The following SIPA1L1 variants were observed in gnomAD, a reference collection of about 807,000 sequenced individuals.
SIPA1L1 encodes the protein signal-induced proliferation-associated 1-like protein 1.
A neutral mutation model predicts 162.7 loss-of-function variants in SIPA1L1; 26 were observed. The observed-to-expected ratio is 0.16, with a 90% CI of 0.12 to 0.22. The LOEUF (loss-of-function observed/expected upper bound fraction) is 0.22, where lower values mean the gene tolerates loss of function less well. SIPA1L1 is among the 10% of genes least tolerant of loss of function. The probability of loss-of-function intolerance (pLI) is 1.00; values close to 1 mark genes in which losing one functional copy is unlikely to be tolerated. For missense variants in SIPA1L1, 1,874 were observed against 2,241.0 expected (o/e 0.84, Z 3.31); for synonymous variants, 829 against 837.4 (o/e 0.99, Z 0.17).
chr14:71,483,825 A>T (rs1434365610), intron 2 of SIPA1L1, among the ~76,000 whole-genome samples: 1 of 152,056 alleles, frequency 6.6e-6, no homozygotes, highest in Non-Finnish European at 1.5e-5. Flanking sequence ...CAACCATATC[A>T]TCTATCACTT....
intron 7 of SIPA1L1, among the ~76,000 whole-genome samples, chr14:71,641,579 T>C (rs546775671): frequency 1.4e-3 from 209 of 152,086 alleles, no homozygotes; most frequent in Non-Finnish European, 2.5e-3. Flanking sequence ...AAAAATTAGC[T>C]GGGTGTGGTG....
At chr14:71,627,852 A>G (rs1233790736) in intron 7 of SIPA1L1, among the ~76,000 whole-genome samples, 1 of 152,186 alleles carries the variant, frequency 6.6e-6, no homozygotes, top group Non-Finnish European at 1.5e-5. Flanking sequence ...CAGCTCTTCA[A>G]TTTTAAGATT....
chr14:71,477,727 T>C (rs1237392284), intron 2 of SIPA1L1, among the ~76,000 whole-genome samples: 1 of 152,134 alleles, frequency 6.6e-6, no homozygotes, highest in Non-Finnish European at 1.5e-5. Flanking sequence ...TATATGAAGG[T>C]ACTGCAATTT....
In SIPA1L1 at chr14:71,419,380, GA is replaced by G. The variant is rs745414558; in HGVS notation, c.-464-93362del. On this transcript the variant is annotated intron_variant, in intron 2 of 23. Coordinates refer to ENST00000381232, the MANE Select transcript of SIPA1L1 (RefSeq NM_001386936.1). Reference sequence around the variant, plus strand: ...TGATAAATATCTGTCTTTGTGTAGGGACTTTCAGGGCTGTTCTGGCCTGAAA... The same window carrying G: ...TGATAAATATCTGTCTTTGTGTAGGGCTTTCAGGGCTGTTCTGGCCTGAAA... 3.2e-4 allele frequency among the ~76,000 whole-genome samples: 48 copies of G among 151,478 alleles called. 1 individual carries two copies. The highest frequency in any genetic ancestry group is 6.6e-4 in the Non-Finnish European group (45 of 67,918).
At chr14:71,459,831 C>T (rs995124322) in intron 2 of SIPA1L1, among the ~76,000 whole-genome samples, 1 of 152,136 alleles carries the variant, frequency 6.6e-6, no homozygotes, top group African/African-American at 2.4e-5. Flanking sequence ...TCAATCTATT[C>T]GAGTTGACCC....
intron 12 of SIPA1L1, among the ~76,000 whole-genome samples, chr14:71,674,569 T>C (rs904640812): frequency 6.7e-6 from 1 of 149,680 alleles, no homozygotes; most frequent in African/African-American, 2.5e-5. Flanking sequence ...TGTTTTTTTT[T>C]GTTTTTTTTT....
intron 2 of SIPA1L1, among the ~76,000 whole-genome samples, chr14:71,448,389 T>G (rs2045573872): frequency 1.3e-5 from 2 of 152,172 alleles, no homozygotes; most frequent in Admixed American, 6.5e-5. Context: ...TATCCTCTTT[T>G]TAGAGCTGAA....
intron 2 of SIPA1L1, among the ~76,000 whole-genome samples, chr14:71,336,001 T>G (rs563615886): frequency 6.6e-6 from 1 of 152,330 alleles, no homozygotes; most frequent in South Asian, 2.1e-4. Context: ...TGTTTAAATC[T>G]GTATCTTTTT....
At chr14:71,608,930 A>G (rs2037855468) in intron 5 of SIPA1L1, among the ~76,000 whole-genome samples, 1 of 152,142 alleles carries the variant, frequency 6.6e-6, no homozygotes, top group Non-Finnish European at 1.5e-5. Context: ...AAAAACTTCC[A>G]ATTATAAAAG....
At chr14:71,411,581 G>C (rs912287242) in intron 2 of SIPA1L1, among the ~76,000 whole-genome samples, 1 of 152,212 alleles carries the variant, frequency 6.6e-6, no homozygotes, top group African/African-American at 2.4e-5. Context: ...CTCCGTTTCA[G>C]CTTTGGATAA....
intron 5 of SIPA1L1, among the ~76,000 whole-genome samples, chr14:71,592,622 A>G (rs2035543511): frequency 6.6e-6 from 1 of 152,018 alleles, no homozygotes; most frequent in Non-Finnish European, 1.5e-5. Flanking sequence ...CACTGTGGCT[A>G]AGTCTCAGGT....
intron 17 of SIPA1L1, among the ~76,000 whole-genome samples, chr14:71,716,279 T>A (rs372219269): frequency 6.6e-6 from 1 of 152,310 alleles, no homozygotes; most frequent in East Asian, 1.9e-4. Context: ...CCACATTATC[T>A]GTCACCCAAA....
At chr14:71,670,048 A>G (rs2044367527) in intron 10 of SIPA1L1, among the ~76,000 whole-genome samples, 1 of 152,062 alleles carries the variant, frequency 6.6e-6, no homozygotes, top group African/African-American at 2.4e-5. Context: ...GAAGAAACCG[A>G]TTTTTTTATT....
chr14:71,738,188 AAAC>A, intron 22 of SIPA1L1, 50 bp from the exon 23 acceptor site: 1 of 937,280 alleles, frequency 1.1e-6, no homozygotes, highest in Non-Finnish European at 1.6e-6. Flanking sequence ...AAAAAAAAAC[AAAC>A]CCAGCCATGG....
At chr14:71,585,490 A>G (rs2034474969) in intron 4 of SIPA1L1, among the ~76,000 whole-genome samples, 2 of 152,208 alleles carry the variant, frequency 1.3e-5, no homozygotes, top group South Asian at 4.1e-4. Context: ...CTGATGGTGG[A>G]GACTGAGCAT....
intron 2 of SIPA1L1, among the ~76,000 whole-genome samples, chr14:71,378,711 A>C (rs1220863137): frequency 1.3e-5 from 2 of 151,446 alleles, no homozygotes; most frequent in African/African-American, 4.9e-5. Flanking sequence ...TTGTTCTATC[A>C]CTGAGTGATA....
intron 2 of SIPA1L1, among the ~76,000 whole-genome samples, chr14:71,343,195 A>G (rs1264551593): frequency 6.6e-6 from 1 of 152,190 alleles, no homozygotes; most frequent in Non-Finnish European, 1.5e-5. Context: ...AATGTCCTAT[A>G]ACCACAATAA....
chr14:71,639,351 C>T (rs2041473582), intron 7 of SIPA1L1, among the ~76,000 whole-genome samples: 1 of 152,098 alleles, frequency 6.6e-6, no homozygotes, highest in Non-Finnish European at 1.5e-5. Flanking sequence ...TCAAGGCTGC[C>T]ATGAGCTATG....
chr14:71,578,923 CT>C (rs1019845460), intron 4 of SIPA1L1, among the ~76,000 whole-genome samples: 1 of 152,168 alleles, frequency 6.6e-6, no homozygotes, highest in Non-Finnish European at 1.5e-5. Context: ...CGAGAGGTCA[CT>C]TTTTTACTCT....
Sources: allele counts gnomAD v4.1 joint callset (sites outside exome capture counted in the v4.1 genomes callset), GRCh38; gene constraint gnomAD v4.1.1; transcripts MANE v1.5; gene names NCBI Gene and HGNC (gene_info 2026-07-23, HGNC 2026-07-21).